WIPF3: variants seen among roughly 807,000 people sequenced by gnomAD.
The protein encoded by WIPF3 is WAS/WASL-interacting protein family member 3.
A neutral mutation model predicts 38.9 loss-of-function variants in WIPF3; 33 were observed. The ratio of observed to expected loss-of-function variants is 0.85; its 90% CI spans 0.64 to 1.14. The LOEUF (loss-of-function observed/expected upper bound fraction) is 1.14. Among genes scored for constraint, WIPF3 ranks in the 50% most tolerant of loss-of-function variants. WIPF3 has a pLI of 0.00. For missense variants in WIPF3, 711 were observed against 652.5 expected, an observed-to-expected ratio of 1.09 and a Z score of -0.98; for synonymous variants, 324 against 269.3, an observed-to-expected ratio of 1.20 and a Z score of -1.99.
chr7:29,841,113 G>A (rs1469631714), intron 2 of WIPF3, among the ~76,000 whole-genome samples: 2 of 152,196 alleles, frequency 1.3e-5, no homozygotes, highest in Admixed American at 1.3e-4. Flanking sequence ...GTCAAGCAGA[G>A]AGCCTTTGTC....
chr7:29,837,480 A>G (rs2128065975), intron 2 of WIPF3, among the ~76,000 whole-genome samples: 1 of 152,238 alleles, frequency 6.6e-6, no homozygotes, highest in East Asian at 1.9e-4. Flanking sequence ...AACATTTAAT[A>G]TTTTATTAGG....
At chr7:29,888,262 G>A (rs1327969322) in intron 6 of WIPF3, 45 bp downstream of exon 6, 1 of 1,566,634 alleles carries the variant, frequency 6.4e-7, no homozygotes, top group African/African-American at 1.4e-5. Flanking sequence ...CAGTAGGAAA[G>A]TGATTCTCCC....
chr7:29,878,971 C>G lies in WIPF3; in HGVS notation c.224-38C>G. The G allele has an allele frequency of 6.4e-7, 1 of 1,565,780 alleles. No individual in the cohort carries two copies. The highest frequency in any genetic ancestry group is 1.2e-5 in the South Asian group (1 of 85,870). The stretch of plus-strand genomic sequence containing the variant: ...AATGAGACCTGGCTGCTCAGCTCTG[C>G]TCTCAAGTCCTTGCCTATTTGTGTC... On this transcript the variant is annotated intron_variant, in intron 3 of 8. Coordinates refer to ENST00000242140, the MANE Select transcript of WIPF3 (RefSeq NM_001080529.3). This position sits in a 1 kb window ranked among gnomAD's most constrained non-coding sequence, Gnocchi z 4.0.
chr7:29,896,282 G>A (rs1786142749), intron 7 of WIPF3, among the ~76,000 whole-genome samples: 1 of 15,852 alleles, frequency 6.3e-5, no homozygotes, highest in South Asian at 6.7e-3. Flanking sequence ...GCAACAGTGA[G>A]ATCCTCTCTA....
intron 7 of WIPF3, among the ~76,000 whole-genome samples, chr7:29,899,112 A>T (rs1786219462): frequency 6.6e-6 from 1 of 152,168 alleles, no homozygotes; most frequent in Non-Finnish European, 1.5e-5. Context: ...TTGGTGCCAC[A>T]CAAGCTTCCT....
At chr7:29,855,630 TCA>T (rs150567928) in intron 2 of WIPF3, among the ~76,000 whole-genome samples, 3,495 of 152,286 alleles carry the variant, frequency 0.023, 117 homozygotes, top group African/African-American at 0.07. Context: ...GTGATGGGGC[TCA>T]GTTATGGCTG....
rs1785830417 is a variant in WIPF3, at chr7:29,884,570, A to G, written c.1076A>G (p.Gln359Arg). Reference sequence around the variant, plus strand: ...CCTCCGGGCTCCCAGCCGTTCCTGCAGAAGAAGAGGCATGGCCGACCAGGT... The same window carrying G: ...CCTCCGGGCTCCCAGCCGTTCCTGCGGAAGAAGAGGCATGGCCGACCAGGT... ...PAPPGSQPFLQKKRHGRPGAG... is the reference protein window; with the variant it reads ...PAPPGSQPFLRKKRHGRPGAG... Residue 359 changes from glutamine (Q) to arginine (R), a missense_variant, in exon 5 of 9, where the codon CAG becomes CGG. By Grantham distance (43) the Gln-to-Arg change is conservative. Coordinates refer to ENST00000242140, the MANE Select transcript of WIPF3 (RefSeq NM_001080529.3). 6 of 1,604,388 alleles carry G rather than the reference A, an allele frequency of 3.7e-6. No individual in the cohort carries two copies. The East Asian group carries it at 1.3e-4, about 36-fold the overall frequency.
intron 2 of WIPF3, among the ~76,000 whole-genome samples, chr7:29,865,901 G>A (rs957870995): frequency 1.3e-5 from 2 of 152,222 alleles, no homozygotes; most frequent in African/African-American, 4.8e-5. Flanking sequence ...GCTCACGTCT[G>A]TAATCCTAGC....
intron 2 of WIPF3, among the ~76,000 whole-genome samples, chr7:29,839,994 G>T (rs1784888788): frequency 6.6e-6 from 1 of 152,104 alleles, no homozygotes; most frequent in African/African-American, 2.4e-5. Flanking sequence ...TTTCTCTTTT[G>T]TTATATAAGT....
chr7:29,874,508 G>A (rs1008888479), intron 2 of WIPF3, among the ~76,000 whole-genome samples: 2 of 152,132 alleles, frequency 1.3e-5, no homozygotes, highest in African/African-American at 4.8e-5. Flanking sequence ...GTCAGAAAAG[G>A]CCTCTGAAGT....
At chr7:29,895,284 T>G (rs1786114836) in intron 7 of WIPF3, among the ~76,000 whole-genome samples, 1 of 152,114 alleles carries the variant, frequency 6.6e-6, no homozygotes, top group South Asian at 2.1e-4. Flanking sequence ...CCTCAGTAAG[T>G]GAAACATATA....
intron 2 of WIPF3, among the ~76,000 whole-genome samples, chr7:29,862,087 G>A (rs765474887): frequency 9.2e-5 from 14 of 152,144 alleles, no homozygotes; most frequent in Non-Finnish European, 8.8e-5. Context: ...CATGGGAGGG[G>A]AGGTCATTCT....
chr7:29,911,343 C>G (rs929551814), intron 8 of WIPF3, among the ~76,000 whole-genome samples: 2 of 152,244 alleles, frequency 1.3e-5, no homozygotes, highest in South Asian at 2.1e-4. Flanking sequence ...CCAAAGCAAT[C>G]TACAGATTCA....
rs530607219 is a variant in WIPF3, at chr7:29,852,687, C to T, written c.90+17873C>T. 7.2e-5 allele frequency among the ~76,000 whole-genome samples: 11 copies of T among 152,312 alleles called. No homozygotes were observed. The South Asian group carries it at 1.9e-3, about 26-fold the overall frequency. On this transcript the variant is annotated intron_variant, in intron 2 of 8. Transcript: ENST00000242140. The stretch of plus-strand genomic sequence containing the variant: ...TTCCCCAAGAAACAGGTGCATATTG[C>T]GAAACCACTTGTTCTCTTTGCTGCC...
intron 1 of WIPF3, 47 bp downstream of exon 1, chr7:29,806,725 G>A: frequency 6.6e-6 from 1 of 151,904 alleles, no homozygotes; most frequent in Non-Finnish European, 1.5e-5. Context: ...AGGGTGGAAG[G>A]AACGGGCGGT....
At chr7:29,809,244 C>G (rs1784334253) in intron 1 of WIPF3, among the ~76,000 whole-genome samples, 1 of 152,246 alleles carries the variant, frequency 6.6e-6, no homozygotes, top group African/African-American at 2.4e-5. Flanking sequence ...GTTTTACCAC[C>G]AGTTTCAAGT....
In WIPF3 at chr7:29,884,358, G is replaced by A. The variant is rs373625381; in HGVS notation, c.864G>A (p.Glu288=). ...EPASPAQDAQ[E]PPAPPPPLPP... ...CCAGCCCTGCGCAAGATGCGCAGGAGCCTCCCGCCCCGCCGCCCCCGCTCC... is the reference window on the plus strand; with the variant it reads ...CCAGCCCTGCGCAAGATGCGCAGGAACCTCCCGCCCCGCCGCCCCCGCTCC... Residue 288 remains glutamate (E), a synonymous_variant, in exon 5 of 9, where the codon GAG becomes GAA. Coordinates refer to ENST00000242140, the MANE Select transcript of WIPF3 (RefSeq NM_001080529.3). 0.014 allele frequency: 21,593 copies of A among 1,501,518 alleles called. 209 individuals are homozygous for A. Among genetic ancestry groups the A allele is most frequent in the Non-Finnish European group, 0.016 (17,434 of 1,122,526 alleles). The allele number at this position is 1,501,518 out of a possible 1,614,324, so 93.0% of individuals were successfully genotyped here. A position where few individuals can be genotyped will look rare whatever the true frequency, so the allele number is the denominator to read the frequency against.
chr7:29,808,518 C>T (rs1259141782), intron 1 of WIPF3, among the ~76,000 whole-genome samples: 1 of 152,218 alleles, frequency 6.6e-6, no homozygotes, highest in Non-Finnish European at 1.5e-5. Context: ...CTTCAACAGG[C>T]AATTTGTGGC....
intron 8 of WIPF3, chr7:29,905,739 C>T (rs1423455922): frequency 6.6e-6 from 1 of 152,176 alleles, no homozygotes; most frequent in African/African-American, 2.4e-5. Flanking sequence ...TGTTGCACCT[C>T]CTCTTATTGT....
Sources: gnomAD v4.1 joint callset for allele counts (sites outside exome capture counted in the v4.1 genomes callset) on GRCh38, gnomAD v4.1.1 for gene constraint, Gnocchi (gnomAD v3.1) non-coding constraint, MANE v1.5 for transcripts, NCBI Gene and HGNC (gene_info 2026-07-23, HGNC 2026-07-21) for gene names.